PLXNA4: variants seen among roughly 807,000 people sequenced by gnomAD.
The protein encoded by PLXNA4 is plexin A4, also known as plexin-A4.
Under a neutral mutation model 191.8 loss-of-function variants are expected in PLXNA4, and 44 were observed. That is an observed-to-expected ratio of 0.23 (90% CI 0.18 to 0.29). The LOEUF is 0.29. PLXNA4 is among the 10% of genes least tolerant of loss of function. The pLI is 1.00. For synonymous variants in PLXNA4, 1,082 were observed against 1,009.5 expected (o/e 1.07, Z -1.36); for missense variants, 1,800 against 2,488.8 (o/e 0.72, Z 5.89).
At chr7:132,194,954 T>C (rs982403004) in intron 13 of PLXNA4, among the ~76,000 whole-genome samples, 1 of 151,834 alleles carries the variant, frequency 6.6e-6, no homozygotes, top group Non-Finnish European at 1.5e-5. Context: ...TATATATCTA[T>C]GTATATATGT....
chr7:132,445,500 A>G lies in PLXNA4; in HGVS notation c.1371+43792T>C, dbSNP rs948512829. Among the ~76,000 whole-genome samples, 4 of 151,834 alleles carry G rather than the reference A, an allele frequency of 2.6e-5. No individual in the cohort carries two copies. In the South Asian group the frequency reaches 8.3e-4, roughly 32 times the overall value. ...CTAGTTGCCTACTGCCATGGGGTACAGTAGATAAGAGACTTGTCTCCATAG... is the reference window on the plus strand; with the variant it reads ...CTAGTTGCCTACTGCCATGGGGTACGGTAGATAAGAGACTTGTCTCCATAG... On this transcript the variant is annotated intron_variant, in intron 3 of 31. Transcript: ENST00000321063.
intron 21 of PLXNA4, among the ~76,000 whole-genome samples, chr7:132,169,467 G>A (rs2116671188): frequency 6.6e-6 from 1 of 152,304 alleles, no homozygotes; most frequent in Middle Eastern, 3.4e-3. Flanking sequence ...GAGAACAGGT[G>A]GAGGAATTGT....
intron 2 of PLXNA4, among the ~76,000 whole-genome samples, chr7:132,503,942 G>C (rs779671485): frequency 2.0e-5 from 3 of 152,224 alleles, no homozygotes; most frequent in Non-Finnish European, 4.4e-5. Flanking sequence ...ATGGCTCAGA[G>C]GGTGAAGGCG....
chr7:132,298,267 C>T lies in PLXNA4; in HGVS notation c.1372-45G>A, dbSNP rs751296993. On this transcript the variant is annotated intron_variant, in intron 3 of 31. Transcript: ENST00000321063. ...AGCCAAAGTGAGTTCAGATCCTGCACTGCCCACAGCCAAACTTCAGCCAAA... is the reference window on the plus strand; with the variant it reads ...AGCCAAAGTGAGTTCAGATCCTGCATTGCCCACAGCCAAACTTCAGCCAAA... The T allele has an allele frequency of 5.7e-6, 9 of 1,572,264 alleles. No individual in the cohort carries two copies. The Admixed American group carries it at 1.5e-4, about 26-fold the overall frequency.
chr7:132,316,106 T>C (rs1338584869), intron 3 of PLXNA4, among the ~76,000 whole-genome samples: 2 of 152,226 alleles, frequency 1.3e-5, no homozygotes, highest in African/African-American at 2.4e-5. Context: ...GAAAAACTGC[T>C]ATGCCCTTGA....
chr7:132,549,302 C>G (rs1335353351), intron 1 of PLXNA4, among the ~76,000 whole-genome samples: 1 of 152,056 alleles, frequency 6.6e-6, no homozygotes, highest in East Asian at 1.9e-4. Flanking sequence ...CTGGTAAGGC[C>G]CCTATCATCA....
chr7:132,174,910 C>T lies in PLXNA4; in HGVS notation c.3885G>A (p.Glu1295=), dbSNP rs753787068. 1.9e-6 allele frequency: 3 copies of T among 1,614,062 alleles called. No individual in the cohort carries two copies. The highest frequency in any genetic ancestry group is 2.5e-6 in the Non-Finnish European group (3 of 1,179,928). Residue 1295 remains glutamate (E), a synonymous_variant, in exon 21 of 32, where the codon GAG becomes GAA. Coordinates refer to ENST00000321063, the MANE Select transcript of PLXNA4 (RefSeq NM_020911.2). ...VALECKEAFA[E]LQTDIHELTS... The stretch of plus-strand genomic sequence containing the variant: ...TCAGCTCATGGATGTCCGTCTGCAG[C>T]TCGGCAAAGGCTGGCACGAAGAGAA...
chr7:132,338,793 T>C (rs1802915185), intron 3 of PLXNA4, among the ~76,000 whole-genome samples: 1 of 152,194 alleles, frequency 6.6e-6, no homozygotes, highest in Non-Finnish European at 1.5e-5. Flanking sequence ...CTGTGGGAAC[T>C]GACAACCCCA....
chr7:132,526,978 C>A (rs1015552065), intron 1 of PLXNA4, among the ~76,000 whole-genome samples: 2 of 152,178 alleles, frequency 1.3e-5, no homozygotes, highest in Non-Finnish European at 2.9e-5. Flanking sequence ...AACTTGGAAA[C>A]CCCATTGACT....
chr7:132,151,340 AG>A, intron 25 of PLXNA4, among the ~76,000 whole-genome samples: 1 of 95,816 alleles, frequency 1.0e-5, no homozygotes, highest in Admixed American at 1.1e-4. Context: ...AAGAAGGAGG[AG>A]GAGGAGGAAG....
intron 2 of PLXNA4, among the ~76,000 whole-genome samples, chr7:132,497,180 C>T (rs561723108): frequency 8.5e-5 from 13 of 152,252 alleles, no homozygotes; most frequent in African/African-American, 3.1e-4. Context: ...AGCACACCTC[C>T]ACTGGAAATG....
At position 132,227,572 on chromosome 7, in the gene PLXNA4, C is replaced by G. The variant is rs1323270449; in HGVS notation, c.1761G>C (p.Leu587=). Residue 587 remains leucine, a synonymous_variant, in exon 7 of 32, where the codon CTG becomes CTC. Coordinates refer to ENST00000321063, the MANE Select transcript of PLXNA4 (RefSeq NM_020911.2). The stretch of plus-strand genomic sequence containing the variant: ...CAAAGGTGCAGTTGACGCCAGCTGA[C>G]AGCTCCGGGACATTGTACGTCTCCA... ...LVLETYNVPE[L]SAGVNCTFED... is the part of the protein sequence containing the mutation. 6.2e-7 allele frequency: 1 copy of G among 1,614,060 alleles called. No homozygotes were observed. Among genetic ancestry groups the G allele is most frequent in the Non-Finnish European group, 8.5e-7 (1 of 1,180,046 alleles).
intron 1 of PLXNA4, among the ~76,000 whole-genome samples, chr7:132,535,684 C>T (rs1363555465): frequency 1.3e-5 from 2 of 152,064 alleles, no homozygotes; most frequent in African/African-American, 2.4e-5. Flanking sequence ...AACCCAGGTC[C>T]TTTTGTTCCC....
intron 2 of PLXNA4, among the ~76,000 whole-genome samples, chr7:132,597,996 C>T (rs1429171874): frequency 6.6e-6 from 1 of 152,044 alleles, no homozygotes; most frequent in Non-Finnish European, 1.5e-5. Flanking sequence ...CCGTTAGGGA[C>T]CTATGGAATA....
chr7:132,507,131 G>A (rs1798496811), intron 2 of PLXNA4, among the ~76,000 whole-genome samples: 1 of 151,974 alleles, frequency 6.6e-6, no homozygotes, highest in East Asian at 1.9e-4. Flanking sequence ...GAGTACAAAG[G>A]GCATGTACGT....
chr7:132,639,965 C>T (rs933303433), intron 2 of PLXNA4, among the ~76,000 whole-genome samples: 1 of 152,170 alleles, frequency 6.6e-6, no homozygotes, highest in African/African-American at 2.4e-5. Context: ...ATCTGTGAGT[C>T]GAGGGGATTC....
At chr7:132,436,153 A>G (rs1795461601) in intron 3 of PLXNA4, among the ~76,000 whole-genome samples, 2 of 152,132 alleles carry the variant, frequency 1.3e-5, no homozygotes, top group African/African-American at 2.4e-5. Flanking sequence ...TGTCCCTGGA[A>G]AGCCACACAT....
chr7:132,256,256 C>A (rs1462258199), intron 4 of PLXNA4, among the ~76,000 whole-genome samples: 1 of 152,230 alleles, frequency 6.6e-6, no homozygotes, highest in Non-Finnish European at 1.5e-5. Context: ...AACAAACCTG[C>A]AGGATACAGG....
chr7:132,446,627 A>G (rs1035267417), intron 3 of PLXNA4, among the ~76,000 whole-genome samples: 2 of 152,200 alleles, frequency 1.3e-5, no homozygotes. Context: ...GCATCTTTTA[A>G]ACAAGAACAT....
Sources: allele counts gnomAD v4.1 joint callset (sites outside exome capture counted in the v4.1 genomes callset), GRCh38; gene constraint gnomAD v4.1.1; transcripts MANE v1.5; gene names NCBI Gene and HGNC (gene_info 2026-07-23, HGNC 2026-07-21).